The following PDE4D variants were observed in gnomAD, a reference collection of about 807,000 sequenced individuals.
PDE4D encodes phosphodiesterase 4D, also known as 3',5'-cyclic-AMP phosphodiesterase 4D.
Under a neutral mutation model 87.4 loss-of-function variants are expected in PDE4D, and 24 were observed. The ratio of observed to expected loss-of-function variants is 0.27; its 90% CI spans 0.20 to 0.39. The LOEUF is 0.39. Among genes scored for constraint, PDE4D ranks in the 10% least tolerant of loss-of-function variants. PDE4D has a pLI of 1.00. For synonymous variants in PDE4D, 384 were observed against 383.2 expected (o/e 1.00, Z -0.02); for missense variants, 714 against 1,041.0 (o/e 0.69, Z 4.32).
intron 1 of PDE4D, among the ~76,000 whole-genome samples, chr5:59,218,883 T>G (rs879712113): frequency 2.6e-5 from 4 of 152,026 alleles, no homozygotes; most frequent in Non-Finnish European, 4.4e-5. Context: ...GATGAGTTCA[T>G]GTCCTTTGTA....
intron 11 of PDE4D, among the ~76,000 whole-genome samples, chr5:58,986,400 A>T (rs966663316): frequency 1.3e-5 from 2 of 152,164 alleles, no homozygotes; most frequent in African/African-American, 4.8e-5. Flanking sequence ...TGCCCTTTAA[A>T]GCAGGGGTCC....
intron 1 of PDE4D, among the ~76,000 whole-genome samples, chr5:59,743,238 A>G (rs1477517759): frequency 6.6e-6 from 1 of 152,186 alleles, no homozygotes; most frequent in Non-Finnish European, 1.5e-5. Flanking sequence ...TAAAGTAAAA[A>G]AAGATTTAAG....
chr5:59,417,127 G>A (rs1210616558), intron 1 of PDE4D, among the ~76,000 whole-genome samples: 1 of 151,912 alleles, frequency 6.6e-6, no homozygotes, highest in Non-Finnish European at 1.5e-5. Context: ...TATATCCTTT[G>A]TTAACAATTC....
chr5:59,546,262 A>G (rs1386893725), intron 1 of PDE4D, among the ~76,000 whole-genome samples: 1 of 152,168 alleles, frequency 6.6e-6, no homozygotes, highest in African/African-American at 2.4e-5. Context: ...ACATAAATGC[A>G]GCTACAAAAT....
intron 1 of PDE4D, among the ~76,000 whole-genome samples, chr5:60,391,813 C>A (rs1428924660): frequency 2.0e-5 from 3 of 152,150 alleles, no homozygotes; most frequent in African/African-American, 7.2e-5. Flanking sequence ...GGCCATTATT[C>A]TGCTCACATC....
intron 1 of PDE4D, among the ~76,000 whole-genome samples, chr5:59,655,498 C>G (rs1744208708): frequency 6.6e-6 from 1 of 152,120 alleles, no homozygotes; most frequent in South Asian, 2.1e-4. Flanking sequence ...TATTTTACAT[C>G]CTTGTAATTG....
chr5:59,620,775 T>C (rs1022549761), intron 1 of PDE4D, among the ~76,000 whole-genome samples: 1 of 152,162 alleles, frequency 6.6e-6, no homozygotes, highest in Non-Finnish European at 1.5e-5. Flanking sequence ...TAACTGAATT[T>C]TGAAGTCACT....
intron 2 of PDE4D, among the ~76,000 whole-genome samples, chr5:60,093,485 G>T (rs1775352874): frequency 1.3e-5 from 2 of 152,180 alleles, no homozygotes; most frequent in South Asian, 2.1e-4. Flanking sequence ...GATGGAAAAG[G>T]CTACTTATTC....
chr5:59,182,519 T>C (rs2153479208), intron 4 of PDE4D, among the ~76,000 whole-genome samples: 5 of 152,210 alleles, frequency 3.3e-5, no homozygotes, highest in Admixed American at 3.3e-4. Flanking sequence ...ATTCAAATAA[T>C]TGATATCCTG....
chr5:60,336,490 G>A (rs1209176683), intron 1 of PDE4D, among the ~76,000 whole-genome samples: 1 of 152,150 alleles, frequency 6.6e-6, no homozygotes, highest in African/African-American at 2.4e-5. Flanking sequence ...CAGGGTGCCC[G>A]TGCTTCCTGA....
chr5:60,337,378 T>TACACACACACACAC (rs1561133956), intron 1 of PDE4D, among the ~76,000 whole-genome samples: 3 of 114,584 alleles, frequency 2.6e-5, no homozygotes, highest in African/African-American at 1.2e-4. Flanking sequence ...TATATATATA[T>TACACACACACACAC]ATATATATAT....
chr5:59,750,256 T>C (rs1760243635), intron 1 of PDE4D, among the ~76,000 whole-genome samples: 1 of 152,136 alleles, frequency 6.6e-6, no homozygotes, highest in Admixed American at 6.5e-5. Flanking sequence ...TATGATAGAC[T>C]GTGTCCCTTC....
At position 59,887,267 on chromosome 5, in the gene PDE4D, G is replaced by GT. The variant is rs1750303050; in HGVS notation, c.455+5900_455+5901insA. On this transcript the variant is annotated intron_variant, in intron 1 of 14. Coordinates refer to ENST00000340635, the MANE Select transcript of PDE4D (RefSeq NM_001104631.2). ...GTGGTATGGTGAGGTTTGGGGCAAT[G>GT]GTGGTATGTGTGAATATAGGGTCCA... Among the ~76,000 whole-genome samples, 3 of 152,264 alleles carry GT rather than the reference G, an allele frequency of 2.0e-5. No individual in the cohort carries two copies. In the South Asian group the frequency reaches 6.2e-4, roughly 32 times the overall value.
chr5:59,424,844 T>C (rs1794973862), intron 1 of PDE4D, among the ~76,000 whole-genome samples: 2 of 152,160 alleles, frequency 1.3e-5, no homozygotes, highest in East Asian at 1.9e-4. Context: ...AATCGATGGG[T>C]CCATGCATTT....
chr5:59,384,518 T>C (rs775266417), intron 1 of PDE4D, among the ~76,000 whole-genome samples: 1 of 152,150 alleles, frequency 6.6e-6, no homozygotes, highest in Non-Finnish European at 1.5e-5. Context: ...CGATGATATG[T>C]AGTATGGGAA....
chr5:59,732,127 A>G (rs13179321), intron 1 of PDE4D, among the ~76,000 whole-genome samples: 71,382 of 151,978 alleles, frequency 0.47, 19,383 homozygotes, highest in African/African-American at 0.75. Context: ...TTCCCATTTG[A>G]CATTTATCTT....
At chr5:60,386,124 C>A (rs1022626941) in intron 1 of PDE4D, among the ~76,000 whole-genome samples, 3 of 152,056 alleles carry the variant, frequency 2.0e-5, no homozygotes, top group African/African-American at 7.2e-5. Flanking sequence ...AATAATAAAT[C>A]TGTAATTAAA....
At chr5:59,685,433 G>A (rs1749694696) in intron 1 of PDE4D, among the ~76,000 whole-genome samples, 1 of 152,078 alleles carries the variant, frequency 6.6e-6, no homozygotes. Context: ...TGCACACATG[G>A]TCTTGCAGGG....
chr5:59,989,700 T>A (rs1052354990), intron 2 of PDE4D, among the ~76,000 whole-genome samples: 1 of 152,196 alleles, frequency 6.6e-6, no homozygotes, highest in Admixed American at 6.5e-5. Context: ...AATATTTTGA[T>A]TCTAGTTGAG....
Sources: gnomAD v4.1 joint callset for allele counts (sites outside exome capture counted in the v4.1 genomes callset) on GRCh38, gnomAD v4.1.1 for gene constraint, MANE v1.5 for transcripts, NCBI Gene and HGNC (gene_info 2026-07-23, HGNC 2026-07-21) for gene names.